The following FRMD3 variants were observed in gnomAD, a reference collection of about 807,000 sequenced individuals.
The protein encoded by FRMD3 is FERM domain-containing protein 3.
FRMD3 carries 33 observed loss-of-function variants against 70.2 expected under a neutral mutation model. The ratio of observed to expected loss-of-function variants is 0.47; its 90% CI spans 0.36 to 0.63. The LOEUF (loss-of-function observed/expected upper bound fraction) is 0.63, where lower values mean the gene tolerates loss of function less well. FRMD3 is among the 20% of genes least tolerant of loss of function. The pLI is 0.00. For synonymous variants in FRMD3, 279 were observed against 255.9 expected (o/e 1.09, Z -0.86); for missense variants, 632 against 711.4 (o/e 0.89, Z 1.27).
Position 83,427,013 on chromosome 9 carries a change from G to A in FRMD3, c.148-37305C>T, listed in dbSNP as rs1004179686. Among the ~76,000 whole-genome samples the A allele has an allele frequency of 7.2e-4, 110 of 152,162 alleles. 7 individuals carry two copies. The highest frequency in any genetic ancestry group is 1.5e-5 in the Non-Finnish European group (1 of 68,028). ...TTCCCAGCTAGATCTGTGCCAAAGA[G>A]TAAAAAGAAAAGCACTCAAAGAACC... On this transcript the variant is annotated intron_variant, in intron 1 of 13. Transcript: ENST00000304195.
At chr9:83,309,416 T>G (rs1273453818) in intron 10 of FRMD3, 120 bp downstream of exon 10, 1 of 630,150 alleles carries the variant, frequency 1.6e-6, no homozygotes, top group Non-Finnish European at 2.7e-6. Context: ...AAATTTTAAT[T>G]TACTTAAATA....
chr9:83,419,956 T>C (rs901038169), intron 1 of FRMD3, among the ~76,000 whole-genome samples: 1 of 152,168 alleles, frequency 6.6e-6, no homozygotes, highest in Non-Finnish European at 1.5e-5. Context: ...CAAAACAACC[T>C]CAGGTAGACC....
chr9:83,331,284 C>T (rs911435738), intron 6 of FRMD3, among the ~76,000 whole-genome samples: 2 of 152,120 alleles, frequency 1.3e-5, no homozygotes, highest in Non-Finnish European at 2.9e-5. Flanking sequence ...GAAATGAGCT[C>T]TTAAACCAAG....
chr9:83,361,160 C>A (rs1458353847), intron 3 of FRMD3, among the ~76,000 whole-genome samples: 1 of 152,192 alleles, frequency 6.6e-6, no homozygotes, highest in African/African-American at 2.4e-5. Context: ...CAAAACTAAA[C>A]CATAGTACTT....
At chr9:83,277,273 T>C (rs1041959292) in intron 13 of FRMD3, among the ~76,000 whole-genome samples, 2 of 152,226 alleles carry the variant, frequency 1.3e-5, no homozygotes, top group Non-Finnish European at 2.9e-5. Context: ...CAGTAATATA[T>C]AGATGGATTC....
chr9:83,522,566 A>ATAAT (rs1829597179), intron 1 of FRMD3, among the ~76,000 whole-genome samples: 1 of 138,850 alleles, frequency 7.2e-6, no homozygotes, highest in Non-Finnish European at 1.5e-5. Context: ...TATATATATA[A>ATAAT]TTTTTTTTTT....
chr9:83,507,241 C>T (rs1351892554), intron 1 of FRMD3, among the ~76,000 whole-genome samples: 1 of 151,656 alleles, frequency 6.6e-6, no homozygotes, highest in Non-Finnish European at 1.5e-5. Context: ...GTGGCACATG[C>T]CTGTAATCCC....
chr9:83,251,338 G>T (rs953217789), intron 13 of FRMD3, among the ~76,000 whole-genome samples: 3 of 152,066 alleles, frequency 2.0e-5, no homozygotes, highest in Non-Finnish European at 4.4e-5. Flanking sequence ...CAACAAAAAA[G>T]ACCCCACAAA....
intron 13 of FRMD3, among the ~76,000 whole-genome samples, chr9:83,254,299 A>T (rs1015984848): frequency 2.0e-5 from 3 of 151,548 alleles, no homozygotes; most frequent in Admixed American, 1.3e-4. Flanking sequence ...TTTCAAAAAC[A>T]ACTGAGAGGA....
At chr9:83,380,472 T>C (rs1825319463) in intron 2 of FRMD3, among the ~76,000 whole-genome samples, 1 of 152,238 alleles carries the variant, frequency 6.6e-6, no homozygotes. Flanking sequence ...TGTTTCTTTC[T>C]TTTTAATTTT....
At chr9:83,387,861 C>T (rs1375743836) in intron 2 of FRMD3, among the ~76,000 whole-genome samples, 1 of 152,168 alleles carries the variant, frequency 6.6e-6, no homozygotes. Context: ...ATGTTGCTGG[C>T]CCTAACCCCA....
intron 1 of FRMD3, among the ~76,000 whole-genome samples, chr9:83,391,696 G>A (rs1825669839): frequency 6.6e-6 from 1 of 152,126 alleles, no homozygotes; most frequent in African/African-American, 2.4e-5. Context: ...GAAGACCCTT[G>A]AGAGAAGAAA....
the FRMD3 span, among the ~76,000 whole-genome samples, chr9:83,568,643 G>C: frequency 6.8e-6 from 1 of 147,462 alleles, no homozygotes; most frequent in African/African-American, 2.4e-5. Flanking sequence ...CTGTGGGGTG[G>C]AGAAGAAGGG....
intron 1 of FRMD3, among the ~76,000 whole-genome samples, chr9:83,465,020 A>G (rs1828084245): frequency 1.6e-5 from 1 of 62,964 alleles, no homozygotes; most frequent in Middle Eastern, 9.4e-3. Context: ...ACTCTGTCTC[A>G]AAAAGAAAAA....
intron 13 of FRMD3, among the ~76,000 whole-genome samples, chr9:83,284,464 T>C (rs568250819): frequency 2.0e-5 from 3 of 152,174 alleles, no homozygotes; most frequent in Non-Finnish European, 4.4e-5. Context: ...AAAAATTAGC[T>C]GGGCATGGTG....
intron 1 of FRMD3, among the ~76,000 whole-genome samples, chr9:83,502,701 T>A (rs990881992): frequency 5.9e-5 from 9 of 152,150 alleles, no homozygotes; most frequent in African/African-American, 2.2e-4. Context: ...TTCAGTGGAC[T>A]CCAAATCAAA....
the FRMD3 span, among the ~76,000 whole-genome samples, chr9:83,571,262 C>T: frequency 6.6e-6 from 1 of 152,184 alleles, no homozygotes; most frequent in Non-Finnish European, 1.5e-5. Flanking sequence ...TTCTACTTTC[C>T]ACCATGAGTA....
intron 1 of FRMD3, among the ~76,000 whole-genome samples, chr9:83,446,589 G>A (rs985848721): frequency 6.7e-6 from 1 of 149,188 alleles, no homozygotes; most frequent in African/African-American, 2.5e-5. Flanking sequence ...AGAGCTTGCA[G>A]TGAGCCGAGA....
At chr9:83,372,864 T>C (rs764799791) in intron 3 of FRMD3, 49 bp downstream of exon 3, 1 of 1,509,270 alleles carries the variant, frequency 6.6e-7, no homozygotes, top group South Asian at 1.1e-5. Context: ...GAACAGTATC[T>C]ATCTTTGGAC....
Sources: gnomAD v4.1 joint callset for allele counts (sites outside exome capture counted in the v4.1 genomes callset) on GRCh38, gnomAD v4.1.1 for gene constraint, MANE v1.5 for transcripts, NCBI Gene and HGNC (gene_info 2026-07-23, HGNC 2026-07-21) for gene names.